Variants in NEBL observed in about 807,000 individuals in gnomAD.
NEBL encodes the protein LIM and SH3 protein 2.
A neutral mutation model predicts 140.2 loss-of-function variants in NEBL; 122 were observed. The observed-to-expected ratio is 0.87, with a 90% CI of 0.75 to 1.01. The LOEUF is 1.01. Ranked by LOEUF, NEBL falls within the 50% of genes least tolerant of loss-of-function variation. NEBL has a pLI of 0.00. For missense variants in NEBL, 1,365 were observed against 1,231.3 expected (o/e 1.11, Z -1.62); for synonymous variants, 436 against 398.9 (o/e 1.09, Z -1.11).
At chr10:20,926,085 T>C (rs935281387) in intron 4 of NEBL, among the ~76,000 whole-genome samples, 1 of 152,182 alleles carries the variant, frequency 6.6e-6, no homozygotes, top group Non-Finnish European at 1.5e-5. Context: ...TCTTATGAAA[T>C]CTTATAGGCC....
At chr10:20,889,222 G>A (rs1190081866) in intron 3 of NEBL, among the ~76,000 whole-genome samples, 1 of 152,150 alleles carries the variant, frequency 6.6e-6, no homozygotes. Flanking sequence ...CCTCACCACA[G>A]AAATCATCAT....
At chr10:20,943,384 G>A (rs907794790) in intron 4 of NEBL, among the ~76,000 whole-genome samples, 3 of 152,128 alleles carry the variant, frequency 2.0e-5, no homozygotes, top group South Asian at 2.1e-4. Context: ...GGTGGGAACC[G>A]AACAATGAGA....
Position 20,832,477 on chromosome 10 carries a change from G to A in NEBL, c.1450-894C>T, listed in dbSNP as rs1840508401. Among the ~76,000 whole-genome samples, 2 of 151,796 alleles carry A rather than the reference G, an allele frequency of 1.3e-5. 1 individual carries two copies. The highest frequency in any genetic ancestry group is 4.1e-4 in the South Asian group (2 of 4,820). On this transcript the variant is annotated intron_variant, in intron 14 of 27. Transcript: ENST00000377122. ...TGGATTACCAATTGCTTACAAGATA[G>A]TCATAATTACATAGACACACATGTC... is the stretch of plus-strand genomic sequence containing the variant.
chr10:20,785,939 G>A lies in NEBL; in HGVS notation c.2869-16C>T, dbSNP rs192193707. 25 of 1,612,388 alleles carry A rather than the reference G, an allele frequency of 1.6e-5. No individual in the cohort carries two copies. The East Asian group carries it at 4.2e-4, about 27-fold the overall frequency. ...GGTAGGTCCTCTGAGAAAGGAAGAA[G>A]GGATTATACGATGAATGCCGAAATA... is the stretch of plus-strand genomic sequence containing the variant. On this transcript the variant is annotated splice_polypyrimidine_tract_variant and intron_variant, in intron 27 of 27. Transcript: ENST00000377122.
At chr10:21,148,822 G>A (rs553857363) in intron 2 of NEBL, among the ~76,000 whole-genome samples, 8 of 152,108 alleles carry the variant, frequency 5.3e-5, no homozygotes, top group East Asian at 3.9e-4. Flanking sequence ...CACCACGCCC[G>A]GCCCCTGTCC....
chr10:21,235,416 G>C (rs1326384969), intron 3 of NEBL, among the ~76,000 whole-genome samples: 1 of 152,186 alleles, frequency 6.6e-6, no homozygotes, highest in Non-Finnish European at 1.5e-5. Context: ...TCGGGTTCAA[G>C]CGATTCTCCT....
At chr10:20,969,070 T>A (rs1246151817) in intron 3 of NEBL, among the ~76,000 whole-genome samples, 1 of 152,222 alleles carries the variant, frequency 6.6e-6, no homozygotes, top group Non-Finnish European at 1.5e-5. Flanking sequence ...TTGATTACTA[T>A]CTAGTTTTGT....
chr10:20,853,461 G>A (rs1272800920), intron 9 of NEBL, among the ~76,000 whole-genome samples: 4 of 152,190 alleles, frequency 2.6e-5, no homozygotes, highest in South Asian at 2.1e-4. Context: ...TATACACAAC[G>A]GAATACTATA....
chr10:21,235,734 A>G (rs1040181027), intron 3 of NEBL, among the ~76,000 whole-genome samples: 4 of 152,238 alleles, frequency 2.6e-5, no homozygotes, highest in African/African-American at 9.6e-5. Flanking sequence ...TAAAAACTTG[A>G]TAACATTCTT....
In NEBL at chr10:20,782,415, A is replaced by T. The variant is rs990156864; in HGVS notation, c.*3332T>A. The stretch of plus-strand genomic sequence containing the variant: ...TCTTTTATTGAAAACATTCCACTGG[A>T]GATGGATGAACCTGAAAACGAGGTA... On this transcript the variant is annotated 3_prime_UTR_variant, in exon 28 of 28. Coordinates refer to ENST00000377122, the MANE Select transcript of NEBL (RefSeq NM_006393.3). 1.2e-4 allele frequency: 18 copies of T among 152,632 alleles called. No homozygotes were observed. Among genetic ancestry groups the T allele is most frequent in the Non-Finnish European group, 8.8e-5 (6 of 68,026 alleles). 9.5% of individuals were successfully genotyped at this position (152,632 alleles called of 1,614,324 possible).
intron 3 of NEBL, among the ~76,000 whole-genome samples, chr10:21,220,622 G>C (rs1351211395): frequency 6.6e-6 from 1 of 152,062 alleles, no homozygotes; most frequent in African/African-American, 2.4e-5. Context: ...CAAAAGCAGA[G>C]GCAACAAAAG....
At chr10:21,194,983 T>A (rs1408459369) in intron 3 of NEBL, among the ~76,000 whole-genome samples, 4 of 152,018 alleles carry the variant, frequency 2.6e-5, no homozygotes, top group Non-Finnish European at 5.9e-5. Flanking sequence ...ATTCAAGAGG[T>A]GATCAAAGCC....
At chr10:21,077,247 T>A (rs1836140299) in intron 2 of NEBL, among the ~76,000 whole-genome samples, 2 of 152,208 alleles carry the variant, frequency 1.3e-5, no homozygotes, top group South Asian at 4.2e-4. Context: ...ATCAAAGGAA[T>A]TGGGGGAAGA....
intron 2 of NEBL, among the ~76,000 whole-genome samples, chr10:21,072,417 G>A (rs573122485): frequency 1.3e-5 from 2 of 152,318 alleles, no homozygotes; most frequent in South Asian, 2.1e-4. Flanking sequence ...GTTGTAGGTG[G>A]ACATGTCTGT....
chr10:20,958,848 C>T (rs1013203184), intron 4 of NEBL, among the ~76,000 whole-genome samples: 1 of 152,150 alleles, frequency 6.6e-6, no homozygotes, highest in African/African-American at 2.4e-5. Context: ...ACTCTCACCT[C>T]GTTCATCACA....
chr10:21,046,639 C>T (rs1378931484), intron 2 of NEBL, among the ~76,000 whole-genome samples: 1 of 151,846 alleles, frequency 6.6e-6, no homozygotes, highest in Non-Finnish European at 1.5e-5. Context: ...GTGACTCTGT[C>T]GCCCAGGCTG....
chr10:21,232,859 G>GCAAAAA (rs1589340138), intron 3 of NEBL, among the ~76,000 whole-genome samples: 2 of 152,276 alleles, frequency 1.3e-5, no homozygotes, highest in East Asian at 3.9e-4. Flanking sequence ...AAAAGCAAAA[G>GCAAAAA]CAGCAGCTCT....
rs1339910100 is a variant in NEBL, at chr10:20,817,582, T to C, written c.2148+18A>G. Reference sequence around the variant, plus strand: ...TGCATTTGATAGTGTAAGAAAAAAGTTACTAAGATGATCACACATTGCTGA... The same window carrying C: ...TGCATTTGATAGTGTAAGAAAAAAGCTACTAAGATGATCACACATTGCTGA... On this transcript the variant is annotated intron_variant, in intron 21 of 27. Transcript: ENST00000377122. 6.3e-7 allele frequency: 1 copy of C among 1,584,060 alleles called. No individual in the cohort carries two copies. Among genetic ancestry groups the C allele is most frequent in the Non-Finnish European group, 8.7e-7 (1 of 1,152,864 alleles).
chr10:20,927,274 C>T (rs1458089406), intron 4 of NEBL, among the ~76,000 whole-genome samples: 1 of 152,168 alleles, frequency 6.6e-6, no homozygotes, highest in African/African-American at 2.4e-5. Context: ...TGAACTTCAA[C>T]CCTTTAAAAT....
Sources: gnomAD v4.1 joint callset for allele counts (sites outside exome capture counted in the v4.1 genomes callset) on GRCh38, gnomAD v4.1.1 for gene constraint, MANE v1.5 for transcripts, NCBI Gene and HGNC (gene_info 2026-07-23, HGNC 2026-07-21) for gene names.